Variants in MALRD1 observed in about 807,000 individuals in gnomAD.
MALRD1 encodes MAM and LDL-receptor class A domain-containing protein 1.
In MALRD1, 247 loss-of-function variants were observed where a neutral mutation model predicts 242.1. That is an observed-to-expected ratio of 1.02 (90% CI 0.92 to 1.13). The LOEUF (loss-of-function observed/expected upper bound fraction) is 1.13. Among genes scored for constraint, MALRD1 ranks in the 50% most tolerant of loss-of-function variants. MALRD1 has a pLI of 0.00. For synonymous variants in MALRD1, 995 were observed against 866.6 expected (o/e 1.15, Z -2.60); for missense variants, 2,989 against 2,533.1 (o/e 1.18, Z -3.86).
At chr10:19,239,467 G>C (rs138964939) in intron 18 of MALRD1, among the ~76,000 whole-genome samples, 6 of 152,112 alleles carry the variant, frequency 3.9e-5, no homozygotes, top group Non-Finnish European at 8.8e-5. Context: ...ACTCTGTTAA[G>C]TTTCCTTTGC....
At chr10:19,109,085 C>T (rs1048665522) in intron 5 of MALRD1, among the ~76,000 whole-genome samples, 19 of 152,110 alleles carry the variant, frequency 1.2e-4, no homozygotes, top group Non-Finnish European at 5.9e-5. Context: ...CATTTGGGCA[C>T]AGTAGTGTAG....
chr10:19,165,215 A>C (rs1235940517), intron 12 of MALRD1, among the ~76,000 whole-genome samples: 1 of 132,058 alleles, frequency 7.6e-6, no homozygotes, highest in Non-Finnish European at 1.6e-5. Flanking sequence ...AATTGAGAAG[A>C]TTATATTTAA....
chr10:19,644,977 G>A (rs189988307), intron 36 of MALRD1, among the ~76,000 whole-genome samples: 119 of 152,228 alleles, frequency 7.8e-4, no homozygotes, highest in Non-Finnish European at 1.5e-3. Flanking sequence ...TTTGATAATA[G>A]AATGAAGCAA....
At chr10:19,432,442 G>A (rs968206279) in intron 28 of MALRD1, among the ~76,000 whole-genome samples, 2 of 152,162 alleles carry the variant, frequency 1.3e-5, no homozygotes, top group Admixed American at 1.3e-4. Flanking sequence ...GGATAGGGAA[G>A]TTTTGAGTCA....
At chr10:19,353,186 T>C (rs754855755) in intron 26 of MALRD1, among the ~76,000 whole-genome samples, 6 of 151,994 alleles carry the variant, frequency 3.9e-5, no homozygotes, top group Non-Finnish European at 7.4e-5. Flanking sequence ...TTTGTGTTTT[T>C]TGCAGAGATG....
chr10:19,605,163 A>AT (rs35550319), intron 34 of MALRD1, among the ~76,000 whole-genome samples: 1,830 of 139,014 alleles, frequency 0.013, 11 homozygotes, highest in Non-Finnish European at 0.017. Context: ...TTTTATTATT[A>AT]TTTTTTTTTT....
chr10:19,727,694 A>T (rs890306917), intron 38 of MALRD1, among the ~76,000 whole-genome samples: 2 of 151,844 alleles, frequency 1.3e-5, no homozygotes, highest in Non-Finnish European at 2.9e-5. Context: ...CAACTCACTT[A>T]TTCATTGGGG....
In MALRD1 at chr10:19,496,268, T is replaced by C. The variant is rs147432115; in HGVS notation, c.5159-2217T>C. On this transcript the variant is annotated intron_variant, in intron 30 of 39. Coordinates refer to ENST00000454679, the MANE Select transcript of MALRD1 (RefSeq NM_001142308.3). ...CTACCCCCAAACCACAGAATATACA[T>C]TCTTATTGCCAGATGGCACATACTT... Among the ~76,000 whole-genome samples, 696 of 152,290 alleles carry C rather than the reference T, an allele frequency of 4.6e-3. 5 individuals are homozygous for C. The highest frequency in any genetic ancestry group is 0.016 in the African/African-American group (649 of 41,570).
intron 21 of MALRD1, among the ~76,000 whole-genome samples, chr10:19,284,082 G>T (rs11009303): frequency 6.6e-6 from 1 of 152,200 alleles, no homozygotes; most frequent in Non-Finnish European, 1.5e-5. Flanking sequence ...GACCATACAG[G>T]AAGACCAGCA....
At chr10:19,524,794 G>C (rs2131327739) in intron 31 of MALRD1, among the ~76,000 whole-genome samples, 1 of 152,242 alleles carries the variant, frequency 6.6e-6, no homozygotes, top group African/African-American at 2.4e-5. Context: ...CTTGAAGTGA[G>C]AAATTGTCTT....
intron 38 of MALRD1, among the ~76,000 whole-genome samples, chr10:19,719,128 G>T (rs1834567887): frequency 7.0e-6 from 1 of 142,006 alleles, no homozygotes; most frequent in African/African-American, 2.6e-5. Context: ...CTCCAACCTG[G>T]GCAGCAGAGC....
At chr10:19,688,422 A>G (rs1010239963) in intron 36 of MALRD1, among the ~76,000 whole-genome samples, 8 of 151,936 alleles carry the variant, frequency 5.3e-5, no homozygotes, top group African/African-American at 1.2e-4. Flanking sequence ...ACCACCTTGC[A>G]TGGCTAATTT....
intron 28 of MALRD1, among the ~76,000 whole-genome samples, chr10:19,411,843 G>A (rs1833287449): frequency 6.6e-6 from 1 of 152,126 alleles, no homozygotes. Flanking sequence ...TTAAGTTCAT[G>A]GATGGAAAAA....
intron 28 of MALRD1, among the ~76,000 whole-genome samples, chr10:19,417,305 A>G (rs1229477782): frequency 6.6e-6 from 1 of 152,222 alleles, no homozygotes; most frequent in Non-Finnish European, 1.5e-5. Flanking sequence ...TAAATTTAGC[A>G]TACCAAATTG....
At chr10:19,097,520 T>G (rs1021452320) in intron 4 of MALRD1, among the ~76,000 whole-genome samples, 12 of 152,202 alleles carry the variant, frequency 7.9e-5, no homozygotes, top group African/African-American at 2.7e-4. Flanking sequence ...TGTCCTAAAA[T>G]GTTCAAGGAG....
chr10:19,254,073 C>A (rs2131796774), intron 18 of MALRD1, among the ~76,000 whole-genome samples: 1 of 152,128 alleles, frequency 6.6e-6, no homozygotes, highest in African/African-American at 2.4e-5. Context: ...GCCTCCCCAG[C>A]CCTACGGAAC....
chr10:19,355,870 T>C (rs937653126), intron 26 of MALRD1, among the ~76,000 whole-genome samples: 6 of 142,690 alleles, frequency 4.2e-5, no homozygotes, highest in Non-Finnish European at 6.1e-5. Flanking sequence ...ATATATGATA[T>C]ATATTAGCTA....
At chr10:19,255,942 T>C (rs1839487412) in intron 18 of MALRD1, among the ~76,000 whole-genome samples, 1 of 151,996 alleles carries the variant, frequency 6.6e-6, no homozygotes, top group South Asian at 2.1e-4. Flanking sequence ...ATTCTTTAAT[T>C]TGTGACTATA....
At chr10:19,341,506 ATATATGTGTGTATATATG>A (rs1335656316) in intron 24 of MALRD1, among the ~76,000 whole-genome samples, 33 of 143,074 alleles carry the variant, frequency 2.3e-4, no homozygotes, top group South Asian at 4.4e-4. Context: ...ATATATGTAT[ATATATGTGTGTATATATG>A]TATATATATA....
Sources: gnomAD v4.1 joint callset for allele counts (sites outside exome capture counted in the v4.1 genomes callset) on GRCh38, gnomAD v4.1.1 for gene constraint, MANE v1.5 for transcripts, NCBI Gene and HGNC (gene_info 2026-07-23, HGNC 2026-07-21) for gene names.